Variants in FOXO3 observed in about 807,000 individuals in gnomAD.
FOXO3 encodes forkhead box O3.
In FOXO3, 4 loss-of-function variants were observed where a neutral mutation model predicts 41.9. The ratio of observed to expected loss-of-function variants is 0.10; its 90% CI spans 0.05 to 0.22. FOXO3 has a LOEUF of 0.22. Among genes scored for constraint, FOXO3 ranks in the 10% least tolerant of loss-of-function variants. FOXO3 has a pLI of 1.00. For missense variants in FOXO3, 534 were observed against 906.8 expected, an observed-to-expected ratio of 0.59 and a Z score of 5.28; for synonymous variants, 318 against 389.3, an observed-to-expected ratio of 0.82 and a Z score of 2.16.
intron 1 of FOXO3, among the ~76,000 whole-genome samples, chr6:108,632,805 C>A (rs1778012078): frequency 6.6e-6 from 1 of 152,076 alleles, no homozygotes; most frequent in Admixed American, 6.5e-5. Flanking sequence ...TTTTTTTCCC[C>A]TTCTTTTGGA....
At chr6:108,596,019 T>C (rs973186988) in intron 1 of FOXO3, among the ~76,000 whole-genome samples, 3 of 152,198 alleles carry the variant, frequency 2.0e-5, no homozygotes, top group African/African-American at 7.2e-5. Context: ...TTGTCCGTTT[T>C]GTTTAAACTT....
chr6:108,602,085 C>G (rs994544824), intron 1 of FOXO3, among the ~76,000 whole-genome samples: 2 of 152,104 alleles, frequency 1.3e-5, no homozygotes, highest in Non-Finnish European at 2.9e-5. Context: ...CTGATTTCTT[C>G]TAAATGGGTT....
At chr6:108,678,456 C>T (rs1228936751) in intron 2 of FOXO3, among the ~76,000 whole-genome samples, 2 of 151,630 alleles carry the variant, frequency 1.3e-5, no homozygotes, top group Middle Eastern at 3.4e-3. Flanking sequence ...TCTGTCATGT[C>T]ACGTCCTTTT....
At chr6:108,668,178 A>G (rs1296127602) in intron 2 of FOXO3, among the ~76,000 whole-genome samples, 1 of 152,208 alleles carries the variant, frequency 6.6e-6, no homozygotes, top group African/African-American at 2.4e-5. Flanking sequence ...GAAGAAGGTC[A>G]TGTGATGCTG....
chr6:108,603,457 C>G (rs578186153), intron 1 of FOXO3, among the ~76,000 whole-genome samples: 2 of 152,196 alleles, frequency 1.3e-5, no homozygotes, highest in African/African-American at 4.8e-5. Context: ...AAACTTTTCA[C>G]TTTCTCGGGG....
intron 1 of FOXO3, among the ~76,000 whole-genome samples, chr6:108,637,700 TCTC>T (rs553442254): frequency 7.1e-4 from 108 of 152,242 alleles, no homozygotes; most frequent in African/African-American, 2.4e-3. Context: ...CAGTGCATCC[TCTC>T]CTCATGGCCT....
At chr6:108,666,717 C>T (rs1165680610) in intron 2 of FOXO3, among the ~76,000 whole-genome samples, 2 of 151,790 alleles carry the variant, frequency 1.3e-5, no homozygotes, top group African/African-American at 2.4e-5. Flanking sequence ...AGAAAAAAAG[C>T]GGGGAGGGGA....
At position 108,664,119 on chromosome 6, in the gene FOXO3, C is replaced by A. The variant is rs768572858; in HGVS notation, c.1286C>A (p.Ser429Tyr). 7 of 1,614,158 alleles carry A rather than the reference C, an allele frequency of 4.3e-6. No individual in the cohort carries two copies. In the South Asian group the frequency reaches 7.7e-5, roughly 18 times the overall value. ...TCGGGCCTGGGCTCCCCAACCAGCT[C>A]CTTTAACAGCACGGTGTTCGGACCT... ...KGSGLGSPTSSFNSTVFGPSS... is the reference protein window; with the variant it reads ...KGSGLGSPTSYFNSTVFGPSS... The change falls in exon 2 of 3, where the codon TCC becomes TAC. Residue 429 changes from serine (S) to tyrosine (Y), a missense_variant. Coordinates refer to ENST00000406360, the MANE Select transcript of FOXO3 (RefSeq NM_001455.4).
intron 1 of FOXO3, among the ~76,000 whole-genome samples, chr6:108,565,471 C>G (rs1373102240): frequency 6.6e-6 from 1 of 152,206 alleles, no homozygotes; most frequent in Non-Finnish European, 1.5e-5. Flanking sequence ...GGGGAGACCT[C>G]TAAGGACGCC....
chr6:108,654,582 C>T (rs1329423891), intron 1 of FOXO3, among the ~76,000 whole-genome samples: 1 of 151,938 alleles, frequency 6.6e-6, no homozygotes, highest in Non-Finnish European at 1.5e-5. Context: ...CAGAACCTGT[C>T]GCTTGCTTGC....
intron 1 of FOXO3, among the ~76,000 whole-genome samples, chr6:108,642,568 T>G (rs1778289102): frequency 6.6e-6 from 1 of 152,142 alleles, no homozygotes; most frequent in Admixed American, 6.5e-5. Flanking sequence ...GAAGGTCAAT[T>G]ACGTATGTTT....
intron 1 of FOXO3, among the ~76,000 whole-genome samples, chr6:108,562,892 C>T (rs915039491): frequency 1.3e-5 from 2 of 152,232 alleles, no homozygotes; most frequent in Admixed American, 1.3e-4. Context: ...ACCTCCCTGG[C>T]CCCTTCCCCC....
intron 1 of FOXO3, among the ~76,000 whole-genome samples, chr6:108,596,480 G>T (rs974385476): frequency 2.0e-5 from 3 of 152,030 alleles, no homozygotes; most frequent in Non-Finnish European, 2.9e-5. Flanking sequence ...AAAAGTTATG[G>T]GTTGTTGAAT....
At chr6:108,589,814 T>C (rs1332383030) in intron 1 of FOXO3, among the ~76,000 whole-genome samples, 1 of 152,220 alleles carries the variant, frequency 6.6e-6, no homozygotes, top group Non-Finnish European at 1.5e-5. Flanking sequence ...AGCCTTCCAA[T>C]TGTAAGTATG....
intron 1 of FOXO3, 92 bp downstream of exon 1, chr6:108,561,921 C>G: frequency 6.8e-7 from 1 of 1,460,904 alleles, no homozygotes; most frequent in East Asian, 2.7e-5. Flanking sequence ...CGCTTGCGGG[C>G]TCCAGGGCAA....
chr6:108,633,857 G>A (rs1413380255), intron 1 of FOXO3, among the ~76,000 whole-genome samples: 1 of 149,782 alleles, frequency 6.7e-6, no homozygotes, highest in South Asian at 2.2e-4. Flanking sequence ...AAAAAAAAAA[G>A]TTAAAAAGCT....
chr6:108,577,688 C>G (rs144427578), intron 1 of FOXO3, among the ~76,000 whole-genome samples: 5 of 152,146 alleles, frequency 3.3e-5, no homozygotes, highest in Non-Finnish European at 7.3e-5. Context: ...TTGAGTGCCT[C>G]TATTTTAGAG....
chr6:108,656,897 A>G (rs887264945), intron 1 of FOXO3, among the ~76,000 whole-genome samples: 7 of 152,356 alleles, frequency 4.6e-5, no homozygotes, highest in African/African-American at 1.7e-4. Flanking sequence ...CAAGAAAAAT[A>G]ATTGCCAGAT....
At chr6:108,564,917 G>A (rs913108176) in intron 1 of FOXO3, among the ~76,000 whole-genome samples, 2 of 152,062 alleles carry the variant, frequency 1.3e-5, no homozygotes, top group African/African-American at 4.8e-5. Flanking sequence ...ACTTTCTTAA[G>A]ATCACACAGC....
Sources: gnomAD v4.1 joint callset for allele counts (sites outside exome capture counted in the v4.1 genomes callset) on GRCh38, gnomAD v4.1.1 for gene constraint, MANE v1.5 for transcripts, NCBI Gene and HGNC (gene_info 2026-07-23, HGNC 2026-07-21) for gene names.